The following AKT3 variants were observed in gnomAD, a reference collection of about 807,000 sequenced individuals.
AKT3 encodes the protein RAC-gamma serine/threonine-protein kinase.
In AKT3, 15 loss-of-function variants were observed where a neutral mutation model predicts 65.3. The ratio of observed to expected loss-of-function variants is 0.23; its 90% CI spans 0.15 to 0.35. The LOEUF (loss-of-function observed/expected upper bound fraction) is 0.35, where lower values mean the gene tolerates loss of function less well. AKT3 is among the 10% of genes least tolerant of loss of function. The pLI, the probability that AKT3 is intolerant of heterozygous loss-of-function variation, is 1.00. For synonymous variants in AKT3, 206 were observed against 183.8 expected, an observed-to-expected ratio of 1.12 and a Z score of -0.98; for missense variants, 243 against 576.5, an observed-to-expected ratio of 0.42 and a Z score of 5.92.
At chr1:243,808,718 C>T (rs1425425805) in intron 2 of AKT3, among the ~76,000 whole-genome samples, 2 of 152,094 alleles carry the variant, frequency 1.3e-5, no homozygotes, top group East Asian at 1.9e-4. Context: ...AACTCCAAGA[C>T]ACATAATTGT....
chr1:243,554,928 G>C lies in AKT3; in HGVS notation c.949-1985C>G, dbSNP rs752360397. ...AAATACCTGGTTTGCAGCCAGAAGG[G>C]AAAGTGAGTACATAAAAAAGGGGGG... On this transcript the variant is annotated intron_variant, in intron 10 of 13. Transcript: ENST00000673466. Among the ~76,000 whole-genome samples, 13 of 151,818 alleles carry C rather than the reference G, an allele frequency of 8.6e-5. No individual in the cohort carries two copies. The South Asian group carries it at 1.5e-3, about 17-fold the overall frequency.
At chr1:243,526,748 ATT>A (rs1316375387) in intron 12 of AKT3, among the ~76,000 whole-genome samples, 10 of 146,860 alleles carry the variant, frequency 6.8e-5, no homozygotes, top group Admixed American at 6.8e-4. Context: ...AAGAAAACAA[ATT>A]TTTTGCCAGC....
At chr1:243,633,691 C>T (rs2147798628) in intron 6 of AKT3, among the ~76,000 whole-genome samples, 1 of 151,882 alleles carries the variant, frequency 6.6e-6, no homozygotes, top group Admixed American at 6.6e-5. Context: ...ATCAATTAAA[C>T]ACAAAAGAAG....
At chr1:243,591,715 T>TG (rs1164574040) in intron 8 of AKT3, among the ~76,000 whole-genome samples, 2 of 150,076 alleles carry the variant, frequency 1.3e-5, no homozygotes, top group Admixed American at 6.6e-5. Context: ...AAGATGAAGA[T>TG]GAAAAAAAAA....
chr1:243,757,686 A>C (rs945071326), intron 2 of AKT3, among the ~76,000 whole-genome samples: 9 of 152,246 alleles, frequency 5.9e-5, no homozygotes, highest in Non-Finnish European at 1.3e-4. Context: ...AATTATTTCA[A>C]AATAAAAATA....
chr1:243,831,607 G>A (rs1456330951), intron 2 of AKT3, among the ~76,000 whole-genome samples: 2 of 152,036 alleles, frequency 1.3e-5, no homozygotes, highest in African/African-American at 4.8e-5. Flanking sequence ...TATGTCAAAG[G>A]GTATAGAAAC....
intron 9 of AKT3, among the ~76,000 whole-genome samples, chr1:243,571,244 G>A (rs1467814828): frequency 6.6e-6 from 1 of 152,194 alleles, no homozygotes; most frequent in Non-Finnish European, 1.5e-5. Context: ...CAGAACCAGG[G>A]AGTTGGAGGT....
intron 4 of AKT3, among the ~76,000 whole-genome samples, chr1:243,662,959 C>T (rs1682483745): frequency 6.6e-6 from 1 of 152,138 alleles, no homozygotes; most frequent in African/African-American, 2.4e-5. Flanking sequence ...AGAAATCCAG[C>T]TTTGTAAACA....
intron 13 of AKT3, among the ~76,000 whole-genome samples, chr1:243,506,235 G>A (rs150798355): frequency 5.1e-4 from 78 of 152,344 alleles, no homozygotes; most frequent in Non-Finnish European, 9.4e-4. Context: ...ACAGTCTCCT[G>A]GGGGAGGTGC....
chr1:243,534,992 T>C (rs1671796814), intron 12 of AKT3, among the ~76,000 whole-genome samples: 1 of 151,426 alleles, frequency 6.6e-6, no homozygotes, highest in Admixed American at 6.6e-5. Context: ...CGGAAATCAA[T>C]GAAACAGAGA....
At chr1:243,635,993 T>C (rs1427772099) in intron 6 of AKT3, among the ~76,000 whole-genome samples, 1 of 152,078 alleles carries the variant, frequency 6.6e-6, no homozygotes, top group South Asian at 2.1e-4. Context: ...TTGTGAAATA[T>C]ACGTAGTTCT....
intron 5 of AKT3, among the ~76,000 whole-genome samples, chr1:243,643,760 C>A (rs1002435354): frequency 6.6e-6 from 1 of 152,162 alleles, no homozygotes; most frequent in Non-Finnish European, 1.5e-5. Flanking sequence ...TTCTTTTAAT[C>A]CTATTGCCAT....
chr1:243,772,283 C>G (rs1412429905), intron 2 of AKT3, among the ~76,000 whole-genome samples: 1 of 152,032 alleles, frequency 6.6e-6, no homozygotes, highest in Non-Finnish European at 1.5e-5. Context: ...TTTTTGCAAT[C>G]TACTCATCTG....
In AKT3 at chr1:243,741,537, T is replaced by A. The variant is rs113334854; in HGVS notation, c.47-45821A>T. ...ATTTCCCTTGTAAGTTTATAAGACATAGTCCAACAATAATCTTATATAAGC... is the reference window on the plus strand; with the variant it reads ...ATTTCCCTTGTAAGTTTATAAGACAAAGTCCAACAATAATCTTATATAAGC... On this transcript the variant is annotated intron_variant, in intron 2 of 13. Transcript: ENST00000673466. Among the ~76,000 whole-genome samples, 1,233 of 152,318 alleles carry A rather than the reference T, an allele frequency of 8.1e-3. 19 individuals carry two copies. Among genetic ancestry groups the A allele is most frequent in the African/African-American group, 0.027 (1,108 of 41,584 alleles).
chr1:243,574,727 G>T (rs1297977988), intron 8 of AKT3, among the ~76,000 whole-genome samples: 2 of 152,096 alleles, frequency 1.3e-5, no homozygotes, highest in Non-Finnish European at 2.9e-5. Context: ...AAGGAGCCAT[G>T]TTTTCCAGGT....
chr1:243,810,118 G>C (rs1366288970), intron 2 of AKT3, among the ~76,000 whole-genome samples: 1 of 152,136 alleles, frequency 6.6e-6, no homozygotes, highest in Non-Finnish European at 1.5e-5. Context: ...AAAAGAACTA[G>C]AGAAGCAAGA....
chr1:243,508,535 CT>C (rs954468089), intron 13 of AKT3, among the ~76,000 whole-genome samples: 5 of 152,182 alleles, frequency 3.3e-5, no homozygotes, highest in African/African-American at 1.2e-4. Context: ...CTCCCCACCC[CT>C]CAATTGCGGT....
At chr1:243,620,731 T>C (rs1558659363) in intron 6 of AKT3, among the ~76,000 whole-genome samples, 1 of 152,168 alleles carries the variant, frequency 6.6e-6, no homozygotes, top group Non-Finnish European at 1.5e-5. Context: ...GAAAGCACCG[T>C]TGTTCTCTGT....
intron 8 of AKT3, among the ~76,000 whole-genome samples, chr1:243,607,683 G>A (rs1199967617): frequency 1.3e-5 from 2 of 152,198 alleles, no homozygotes; most frequent in African/African-American, 4.8e-5. Flanking sequence ...AGGCATGATT[G>A]TGTTTTGAAA....
Sources: gnomAD v4.1 joint callset for allele counts (sites outside exome capture counted in the v4.1 genomes callset) on GRCh38, gnomAD v4.1.1 for gene constraint, MANE v1.5 for transcripts, NCBI Gene and HGNC (gene_info 2026-07-23, HGNC 2026-07-21) for gene names.